The following CADPS variants were observed in gnomAD, a reference collection of about 807,000 sequenced individuals.
The protein encoded by CADPS is calcium-dependent secretion activator 1.
In CADPS, 57 loss-of-function variants were observed where a neutral mutation model predicts 167.3. That is an observed-to-expected ratio of 0.34 (90% CI 0.28 to 0.42). The LOEUF is 0.42. Ranked by LOEUF, CADPS falls within the 20% of genes least tolerant of loss-of-function variation. The pLI, the probability that CADPS is intolerant of heterozygous loss-of-function variation, is 1.00. For synonymous variants in CADPS, 676 were observed against 635.3 expected, an observed-to-expected ratio of 1.06 and a Z score of -0.96; for missense variants, 1,414 against 1,738.1, an observed-to-expected ratio of 0.81 and a Z score of 3.32.
intron 6 of CADPS, among the ~76,000 whole-genome samples, chr3:62,609,079 C>T (rs1380208538): frequency 1.3e-5 from 2 of 152,172 alleles, no homozygotes; most frequent in African/African-American, 4.8e-5. Flanking sequence ...ATCGCTCACC[C>T]CTGGAACTTT....
At chr3:62,703,218 T>C (rs936281103) in intron 3 of CADPS, among the ~76,000 whole-genome samples, 1 of 152,174 alleles carries the variant, frequency 6.6e-6, no homozygotes. Flanking sequence ...TTCAACTCTT[T>C]GAGAAATCTA....
intron 15 of CADPS, 31 bp from the exon 16 acceptor site, chr3:62,516,213 A>G: frequency 6.2e-7 from 1 of 1,612,058 alleles, no homozygotes; most frequent in Non-Finnish European, 8.5e-7. Flanking sequence ...GATTATTAAG[A>G]AGGTTCAAGC....
intron 6 of CADPS, among the ~76,000 whole-genome samples, chr3:62,630,120 G>C (rs1023355982): frequency 7.2e-5 from 11 of 152,036 alleles, no homozygotes; most frequent in Admixed American, 5.2e-4. Context: ...TGTCTGTCTT[G>C]CTAATTGGTG....
intron 6 of CADPS, among the ~76,000 whole-genome samples, chr3:62,627,420 C>A (rs2149602651): frequency 6.6e-6 from 1 of 152,188 alleles, no homozygotes; most frequent in African/African-American, 2.4e-5. Flanking sequence ...TCCCCATGGG[C>A]AAGCTGTTCT....
chr3:62,505,420 C>G (rs1159822710), intron 17 of CADPS, among the ~76,000 whole-genome samples: 1 of 152,176 alleles, frequency 6.6e-6, no homozygotes, highest in Non-Finnish European at 1.5e-5. Context: ...CAGTCTACCT[C>G]CAAAATGTCT....
rs149658519 is a variant in CADPS, at chr3:62,655,552, T to C, written c.970-4472A>G. ...AGGGATTTTGGAACATCTTTAAAAA[T>C]AGCATTTGAAAGTTCTAATGCCTCC... On this transcript the variant is annotated intron_variant, in intron 4 of 29. Coordinates refer to ENST00000383710, the MANE Select transcript of CADPS (RefSeq NM_003716.4). Among the ~76,000 whole-genome samples, 223 of 152,296 alleles carry C rather than the reference T, an allele frequency of 1.5e-3. 1 individual carries two copies. The highest frequency in any genetic ancestry group is 5.1e-3 in the African/African-American group (214 of 41,580).
At chr3:62,452,833 G>T (rs1035387540) in intron 26 of CADPS, among the ~76,000 whole-genome samples, 1 of 152,184 alleles carries the variant, frequency 6.6e-6, no homozygotes, top group South Asian at 2.1e-4. Context: ...GACAACAAAG[G>T]CTGGGTGCAG....
In CADPS at chr3:62,641,285, C is replaced by T. The variant is rs935055809; in HGVS notation, c.1325+4437G>A. Among the ~76,000 whole-genome samples, 9 of 152,124 alleles carry T rather than the reference C, an allele frequency of 5.9e-5. No individual in the cohort carries two copies. In the South Asian group the frequency reaches 6.3e-4, roughly 11 times the overall value. ...GGAGGTGTTAATGACCTACTAGCAT[C>T]GAATTAAAATGTTCTCCTTGACCTG... On this transcript the variant is annotated intron_variant, in intron 6 of 29. Transcript: ENST00000383710.
rs143271425 is a variant in CADPS at position 62,594,935 on chromosome 3, T to G, written c.1326-2187A>C. ...GTTCTGAGTATCACTATTCACTTTT[T>G]CTTCTGGCCTATTTTATCATTGTTG... On this transcript the variant is annotated intron_variant, in intron 6 of 29. Coordinates refer to ENST00000383710, the MANE Select transcript of CADPS (RefSeq NM_003716.4). Among the ~76,000 whole-genome samples the G allele has an allele frequency of 2.6e-3, 397 of 152,344 alleles. 3 individuals are homozygous for G. The highest frequency in any genetic ancestry group is 9.3e-3 in the African/African-American group (385 of 41,582).
rs917056326 is a variant in CADPS, at chr3:62,627,023, G to C, written c.1325+18699C>G. ...TCTTTTCAAAGCCATATTTGGAATAGATTTTCCTATGAAACCTCATCATTA... is the reference window on the plus strand; with the variant it reads ...TCTTTTCAAAGCCATATTTGGAATACATTTTCCTATGAAACCTCATCATTA... On this transcript the variant is annotated intron_variant, in intron 6 of 29. Coordinates refer to ENST00000383710, the MANE Select transcript of CADPS (RefSeq NM_003716.4). Among the ~76,000 whole-genome samples the C allele has an allele frequency of 3.3e-5, 5 of 152,136 alleles. 1 individual carries two copies. Among genetic ancestry groups the C allele is most frequent in the South Asian group, 2.1e-4 (1 of 4,822 alleles).
rs751709300 is a variant in CADPS at position 62,421,482 on chromosome 3, C to T, written c.3777+16622G>A. ...GCGGAACTGCGCCGTGCAGCTTATC[C>T]GCATGCACCCACAGCAGCTGTCACT... On this transcript the variant is annotated intron_variant, in intron 28 of 29. Coordinates refer to ENST00000383710, the MANE Select transcript of CADPS (RefSeq NM_003716.4). This position sits in a 1 kb window ranked among gnomAD's most constrained non-coding sequence, Gnocchi z 4.7. 2.6e-5 allele frequency among the ~76,000 whole-genome samples: 4 copies of T among 152,210 alleles called. No individual in the cohort carries two copies. Among genetic ancestry groups the T allele is most frequent in the Admixed American group, 6.5e-5 (1 of 15,286 alleles).
chr3:62,642,767 G>C (rs771950133), intron 6 of CADPS, among the ~76,000 whole-genome samples: 14 of 152,034 alleles, frequency 9.2e-5, no homozygotes, highest in Non-Finnish European at 1.9e-4. Flanking sequence ...AAAATTAGCT[G>C]GGCGTGGTAG....
At position 62,458,692 on chromosome 3, in the gene CADPS, T is replaced by C. The variant is rs1298294064; in HGVS notation, c.3636+6675A>G. Among the ~76,000 whole-genome samples the C allele has an allele frequency of 1.3e-5, 2 of 152,276 alleles. No individual in the cohort carries two copies. The highest frequency in any genetic ancestry group is 3.9e-4 in the East Asian group (2 of 5,160). ...TTAGTAGAGATGGAGTTTCACCATG[T>C]TGGCCAGGCTGGTCTCAAATTCCTG... On this transcript the variant is annotated intron_variant, in intron 26 of 29. Transcript: ENST00000383710. The surrounding 1 kb of genome is among the most constrained non-coding windows in gnomAD (Gnocchi z 4.6).
chr3:62,402,638 T>G (rs533968110), intron 29 of CADPS, among the ~76,000 whole-genome samples: 1 of 152,364 alleles, frequency 6.6e-6, no homozygotes, highest in East Asian at 1.9e-4. Flanking sequence ...ACAATATTGA[T>G]TTGCATTCTG....
At chr3:62,630,512 CT>C (rs1000999031) in intron 6 of CADPS, among the ~76,000 whole-genome samples, 31 of 151,044 alleles carry the variant, frequency 2.1e-4, no homozygotes, top group African/African-American at 2.2e-4. Flanking sequence ...CCACACCCAG[CT>C]TTTTTTTTAA....
At position 62,844,231 on chromosome 3, in the gene CADPS, G is replaced by T. The variant is rs374182853; in HGVS notation, c.441+30358C>A. On this transcript the variant is annotated intron_variant, in intron 1 of 29. Coordinates refer to ENST00000383710, the MANE Select transcript of CADPS (RefSeq NM_003716.4). The stretch of plus-strand genomic sequence containing the variant: ...CAACATCTCCCATCAGCACAAACTA[G>T]TTCATTTAGTTTACAACATCGAGCT... 1.2e-4 allele frequency among the ~76,000 whole-genome samples: 19 copies of T among 152,264 alleles called. No homozygotes were observed. The East Asian group carries it at 2.5e-3, about 20-fold the overall frequency.
At chr3:62,498,906 A>G (rs1325594915) in intron 18 of CADPS, among the ~76,000 whole-genome samples, 1 of 152,212 alleles carries the variant, frequency 6.6e-6, no homozygotes, top group Non-Finnish European at 1.5e-5. Flanking sequence ...TTAACTTTAA[A>G]AAGCACTCAC....
chr3:62,479,192 G>A (rs1179991708), intron 22 of CADPS, among the ~76,000 whole-genome samples: 2 of 152,312 alleles, frequency 1.3e-5, no homozygotes, highest in Admixed American at 1.3e-4. Context: ...GTGCAGTTGG[G>A]GAAATTGGTT....
chr3:62,737,751 C>T (rs1457875911), intron 3 of CADPS, among the ~76,000 whole-genome samples: 2 of 152,130 alleles, frequency 1.3e-5, no homozygotes, highest in African/African-American at 4.8e-5. Context: ...AAGCTTATTG[C>T]TTTGTTTCAT....
Sources: gnomAD v4.1 joint callset for allele counts (sites outside exome capture counted in the v4.1 genomes callset) on GRCh38, gnomAD v4.1.1 for gene constraint, Gnocchi (gnomAD v3.1) non-coding constraint, MANE v1.5 for transcripts, NCBI Gene and HGNC (gene_info 2026-07-23, HGNC 2026-07-21) for gene names.